The following RGS6 variants were observed in gnomAD, a reference collection of about 807,000 sequenced individuals.
RGS6 encodes regulator of G protein signaling 6.
RGS6 carries 30 observed loss-of-function variants against 78.5 expected under a neutral mutation model. That is an observed-to-expected ratio of 0.38 (90% CI 0.29 to 0.52). The LOEUF (loss-of-function observed/expected upper bound fraction) is 0.52. Ranked by LOEUF, RGS6 falls within the 20% of genes least tolerant of loss-of-function variation. The pLI is 0.85. For synonymous variants in RGS6, 206 were observed against 206.0 expected (o/e 1.00, Z 0.00); for missense variants, 495 against 609.7 (o/e 0.81, Z 1.98).
intron 2 of RGS6, among the ~76,000 whole-genome samples, chr14:72,325,360 A>C (rs2073436003): frequency 6.6e-6 from 1 of 152,146 alleles, no homozygotes. Flanking sequence ...TAGTTTAATT[A>C]GATCCCATTT....
intron 2 of RGS6, among the ~76,000 whole-genome samples, chr14:72,168,526 A>T (rs1490966872): frequency 6.6e-6 from 1 of 152,244 alleles, no homozygotes; most frequent in African/African-American, 2.4e-5. Context: ...AATACAAAAA[A>T]TAAAGGGCGT....
At chr14:72,241,711 TTAAA>T (rs770224760) in intron 2 of RGS6, among the ~76,000 whole-genome samples, 2 of 152,258 alleles carry the variant, frequency 1.3e-5, no homozygotes, top group Non-Finnish European at 1.5e-5. Context: ...GGATAGCTCT[TTAAA>T]TAAATATTTG....
At chr14:71,930,591 A>C (rs2087796810), upstream of RGS6, among the ~76,000 whole-genome samples, 1 of 152,140 alleles carries the variant, frequency 6.6e-6, no homozygotes, top group Non-Finnish European at 1.5e-5. Context: ...GTACACAGTA[A>C]GGCTTTCTTC....
chr14:72,477,064 C>T (rs924085422), intron 11 of RGS6: 28 of 513,706 alleles, frequency 5.5e-5, no homozygotes, highest in Middle Eastern at 1.0e-3. Flanking sequence ...TAGAAAAGGG[C>T]GTAAATGAGT....
chr14:72,209,882 G>A (rs847287), intron 2 of RGS6, among the ~76,000 whole-genome samples: 144,860 of 152,298 alleles, frequency 0.95, 69,078 homozygotes, highest in East Asian at 1. Context: ...CACTCTTGAT[G>A]AAACAATCTA....
chr14:72,107,841 C>T (rs1163584665), intron 2 of RGS6, among the ~76,000 whole-genome samples: 1 of 152,078 alleles, frequency 6.6e-6, no homozygotes, highest in Non-Finnish European at 1.5e-5. Context: ...TTGCATGCTT[C>T]CACATTACAC....
At chr14:72,610,869 C>T in the RGS6 span, among the ~76,000 whole-genome samples, 1 of 152,204 alleles carries the variant, frequency 6.6e-6, no homozygotes, top group African/African-American at 2.4e-5. Flanking sequence ...AAGTCAGAGG[C>T]CTTTGCCTCA....
intron 2 of RGS6, among the ~76,000 whole-genome samples, chr14:72,260,553 A>G (rs1419795638): frequency 1.3e-5 from 2 of 152,172 alleles, no homozygotes; most frequent in African/African-American, 4.8e-5. Context: ...AGAGCCTCAT[A>G]AAGAGTATTG....
intron 2 of RGS6, among the ~76,000 whole-genome samples, chr14:72,001,489 CA>C (rs1402437629): frequency 4.2e-5 from 1 of 23,540 alleles, no homozygotes; most frequent in Admixed American, 4.1e-4. Context: ...CACACACACA[CA>C]CACACACACA....
intron 2 of RGS6, among the ~76,000 whole-genome samples, chr14:71,972,401 A>G (rs2093867341): frequency 6.6e-6 from 1 of 152,056 alleles, no homozygotes; most frequent in Non-Finnish European, 1.5e-5. Context: ...GTCCTTTTGG[A>G]AATACATTTT....
chr14:72,472,182 AAAAG>A (rs1397077060), intron 8 of RGS6, among the ~76,000 whole-genome samples: 3,033 of 150,028 alleles, frequency 0.02, 86 homozygotes, highest in African/African-American at 0.071. Flanking sequence ...GAAAAAAAAA[AAAAG>A]AAAGAAAAAG....
At chr14:72,328,934 C>T (rs1171010388) in intron 2 of RGS6, among the ~76,000 whole-genome samples, 14 of 152,296 alleles carry the variant, frequency 9.2e-5, no homozygotes, top group Middle Eastern at 3.4e-3. Context: ...TGCAATGGCA[C>T]GATCTTGGCT....
the RGS6 span, among the ~76,000 whole-genome samples, chr14:72,622,349 G>A: frequency 5.8e-3 from 889 of 152,172 alleles, 10 homozygotes; most frequent in African/African-American, 0.02. Context: ...GGATGAAGAC[G>A]AGCACACTGT....
chr14:72,310,100 T>C (rs1431570678), intron 2 of RGS6, among the ~76,000 whole-genome samples: 3 of 152,216 alleles, frequency 2.0e-5, no homozygotes, highest in Non-Finnish European at 4.4e-5. Flanking sequence ...TCATTCATTA[T>C]TGATGACCCT....
At chr14:72,049,756 C>T (rs1878331289) in intron 2 of RGS6, among the ~76,000 whole-genome samples, 1 of 152,212 alleles carries the variant, frequency 6.6e-6, no homozygotes. Context: ...TCTTGAAACT[C>T]TGAACAGGAA....
chr14:72,547,396 C>A, intron 17 of RGS6: 1 of 1,331,510 alleles, frequency 7.5e-7, no homozygotes, highest in Non-Finnish European at 1.0e-6. Flanking sequence ...CCATGGAAGT[C>A]CCCCCAAAAT....
At chr14:72,397,979 C>T (rs1044875025) in intron 3 of RGS6, among the ~76,000 whole-genome samples, 9 of 152,080 alleles carry the variant, frequency 5.9e-5, no homozygotes, top group Non-Finnish European at 1.0e-4. Flanking sequence ...ATTTTTGCAT[C>T]GGTGTTCATC....
chr14:71,968,345 A>G (rs1209655807), intron 2 of RGS6, among the ~76,000 whole-genome samples: 3 of 152,144 alleles, frequency 2.0e-5, no homozygotes, highest in Non-Finnish European at 4.4e-5. Context: ...ATGCCCAACT[A>G]AGTTTGAAAA....
At chr14:71,943,211 A>T (rs2090928067) in intron 1 of RGS6, among the ~76,000 whole-genome samples, 1 of 152,190 alleles carries the variant, frequency 6.6e-6, no homozygotes, top group Non-Finnish European at 1.5e-5. Context: ...GGAGCACAAC[A>T]GGCATTTTAA....
Sources: gnomAD v4.1 joint callset for allele counts (sites outside exome capture counted in the v4.1 genomes callset) on GRCh38, gnomAD v4.1.1 for gene constraint, MANE v1.5 for transcripts, NCBI Gene and HGNC (gene_info 2026-07-23, HGNC 2026-07-21) for gene names.